Variants in RBFOX1 observed in about 807,000 individuals in gnomAD.
RBFOX1 encodes RNA binding protein fox-1 homolog 1.
RBFOX1 carries 8 observed loss-of-function variants against 57.7 expected under a neutral mutation model. That is an observed-to-expected ratio of 0.14 (90% CI 0.08 to 0.25). RBFOX1 has a LOEUF of 0.25. Among genes scored for constraint, RBFOX1 ranks in the 10% least tolerant of loss-of-function variants. RBFOX1 has a pLI of 1.00. For missense variants in RBFOX1, 611 were observed against 548.5 expected (o/e 1.11, Z -1.14); for synonymous variants, 326 against 222.4 (o/e 1.47, Z -4.15).
chr16:6,102,373 A>G (rs1185146617), intron 1 of RBFOX1, among the ~76,000 whole-genome samples: 2 of 152,156 alleles, frequency 1.3e-5, no homozygotes, highest in Non-Finnish European at 2.9e-5. Context: ...GTATAAACCC[A>G]GTTTTTATTT....
At chr16:6,557,123 A>G (rs956292012) in intron 2 of RBFOX1, among the ~76,000 whole-genome samples, 5 of 141,342 alleles carry the variant, frequency 3.5e-5, no homozygotes, top group African/African-American at 1.3e-4. Flanking sequence ...ACATATATAC[A>G]TACATATACA....
chr16:5,943,097 G>T (rs141131687), intron 4 of RBFOX1, among the ~76,000 whole-genome samples: 87 of 152,266 alleles, frequency 5.7e-4, no homozygotes, highest in African/African-American at 1.8e-3. Flanking sequence ...CCCACCCTGA[G>T]GGGAGCTGTC....
intron 1 of RBFOX1, among the ~76,000 whole-genome samples, chr16:5,321,321 C>CTTTTTTTTTTTTTTTTTTTT (rs869180571): frequency 1.6e-5 from 1 of 62,656 alleles, no homozygotes. Context: ...TAAGAGATAA[C>CTTTTTTTTTTTTTTTTTTTT]TTTTGTTTTT....
intron 4 of RBFOX1, among the ~76,000 whole-genome samples, chr16:7,196,887 A>G (rs2086838387): frequency 6.6e-6 from 1 of 152,218 alleles, no homozygotes; most frequent in South Asian, 2.1e-4. Flanking sequence ...CCAAAGGTAA[A>G]TATGCACAGC....
In RBFOX1 at chr16:6,778,017, A is replaced by G. The variant is rs139683711; in HGVS notation, c.-16+123367A>G. Among the ~76,000 whole-genome samples the G allele has an allele frequency of 5.5e-3, 839 of 152,264 alleles. 11 individuals carry two copies. Among genetic ancestry groups the G allele is most frequent in the African/African-American group, 0.019 (791 of 41,568 alleles). ...TCATATAAATATACATTTATGCTCC[A>G]TGTGTGAACTCATAAGGTGTGGGAT... is the stretch of plus-strand genomic sequence containing the variant. On this transcript the variant is annotated intron_variant, in intron 3 of 15. Coordinates refer to ENST00000550418, the MANE Select transcript of RBFOX1 (RefSeq NM_018723.4).
intron 3 of RBFOX1, among the ~76,000 whole-genome samples, chr16:7,049,530 T>G (rs1180294602): frequency 6.6e-6 from 1 of 152,236 alleles, no homozygotes; most frequent in African/African-American, 2.4e-5. Flanking sequence ...TGTCTTGTTT[T>G]TCAAGACAAA....
chr16:6,250,517 A>T (rs1027553610), intron 1 of RBFOX1, among the ~76,000 whole-genome samples: 3 of 152,148 alleles, frequency 2.0e-5, no homozygotes, highest in Non-Finnish European at 4.4e-5. Flanking sequence ...TTCTGTAGGA[A>T]GATGTCCCCT....
At chr16:6,896,538 G>A (rs1408543665) in intron 3 of RBFOX1, among the ~76,000 whole-genome samples, 1 of 152,074 alleles carries the variant, frequency 6.6e-6, no homozygotes, top group East Asian at 1.9e-4. Context: ...TTCTGTGCCT[G>A]GGTAATTTCA....
At chr16:6,016,506 T>A (rs530812559), upstream of RBFOX1, among the ~76,000 whole-genome samples, 10 of 152,250 alleles carry the variant, frequency 6.6e-5, no homozygotes, top group African/African-American at 2.4e-4. Flanking sequence ...TGGGGAATAA[T>A]GAAGAGCTAT....
intron 1 of RBFOX1, among the ~76,000 whole-genome samples, chr16:6,139,143 T>C (rs1220346795): frequency 2.0e-5 from 3 of 152,110 alleles, no homozygotes; most frequent in African/African-American, 2.4e-5. Flanking sequence ...GTGAGCTTTA[T>C]GTGAATTAAA....
At chr16:7,569,734 T>G (rs1055386045) in intron 5 of RBFOX1, among the ~76,000 whole-genome samples, 1 of 152,180 alleles carries the variant, frequency 6.6e-6, no homozygotes, top group Non-Finnish European at 1.5e-5. Flanking sequence ...CCAGGTGTGG[T>G]GGCTCATGCC....
At chr16:5,321,097 C>G (rs1228595996) in intron 1 of RBFOX1, among the ~76,000 whole-genome samples, 2 of 152,288 alleles carry the variant, frequency 1.3e-5, no homozygotes, top group East Asian at 3.9e-4. Context: ...AGACTGAATA[C>G]ATTTTAGCTG....
In RBFOX1 at chr16:7,310,539, C is replaced by T. The variant is rs562604013; in HGVS notation, c.28-207608C>T. ...TATCAAAACTTCATCAAGGGGCATA[C>T]TTATTAACATGGAAATAATTGTCAT... On this transcript the variant is annotated intron_variant, in intron 4 of 15. Coordinates refer to ENST00000550418, the MANE Select transcript of RBFOX1 (RefSeq NM_018723.4). Among the ~76,000 whole-genome samples the T allele has an allele frequency of 5.1e-4, 77 of 152,142 alleles. 1 individual carries two copies. Among genetic ancestry groups the T allele is most frequent in the Non-Finnish European group, 5.4e-4 (37 of 68,030 alleles).
At chr16:7,431,113 CTAAT>C (rs1349320312) in intron 4 of RBFOX1, 1 of 152,194 alleles carries the variant, frequency 6.6e-6, no homozygotes, top group Middle Eastern at 3.2e-3. Flanking sequence ...CCCAAACTGA[CTAAT>C]TATCTACTGT....
At chr16:7,662,742 C>A (rs1162584293) in intron 12 of RBFOX1, among the ~76,000 whole-genome samples, 1 of 152,194 alleles carries the variant, frequency 6.6e-6, no homozygotes. Flanking sequence ...AACATGGTGA[C>A]CTCGTTAGAG....
At chr16:5,955,345 A>AT (rs1567187762) in intron 4 of RBFOX1, among the ~76,000 whole-genome samples, 2 of 82,234 alleles carry the variant, frequency 2.4e-5, no homozygotes, top group Non-Finnish European at 2.3e-5. Context: ...ATAAAATAAA[A>AT]TAAAATAAAT....
intron 3 of RBFOX1, among the ~76,000 whole-genome samples, chr16:7,009,625 C>T (rs139473787): frequency 3.3e-5 from 5 of 152,240 alleles, no homozygotes; most frequent in East Asian, 1.9e-4. Flanking sequence ...TGATGTATAG[C>T]ATATTGGAAT....
At chr16:6,403,342 G>C (rs1227126397) in intron 2 of RBFOX1, among the ~76,000 whole-genome samples, 1 of 152,122 alleles carries the variant, frequency 6.6e-6, no homozygotes, top group African/African-American at 2.4e-5. Context: ...GCTTGCTTTT[G>C]ATAATCTCCC....
intron 1 of RBFOX1, among the ~76,000 whole-genome samples, chr16:6,080,351 G>C (rs760159435): frequency 2.0e-5 from 3 of 152,152 alleles, no homozygotes; most frequent in Non-Finnish European, 2.9e-5. Flanking sequence ...CAGGGTTCCA[G>C]CTCTCACCTA....
Sources: allele counts gnomAD v4.1 joint callset (sites outside exome capture counted in the v4.1 genomes callset), GRCh38; gene constraint gnomAD v4.1.1; transcripts MANE v1.5; gene names NCBI Gene and HGNC (gene_info 2026-07-23, HGNC 2026-07-21).